The following ABRAXAS2 variants were observed in gnomAD, a reference collection of about 807,000 sequenced individuals.
ABRAXAS2 encodes the protein abraxas 2, BRISC complex subunit, also known as BRISC complex subunit Abraxas 2.
A neutral mutation model predicts 49.0 loss-of-function variants in ABRAXAS2; 23 were observed. The observed-to-expected ratio is 0.47, with a 90% CI of 0.34 to 0.66. The LOEUF is 0.66. Among genes scored for constraint, ABRAXAS2 ranks in the 30% least tolerant of loss-of-function variants. ABRAXAS2 has a pLI of 0.01. For synonymous variants in ABRAXAS2, 168 were observed against 180.2 expected, an observed-to-expected ratio of 0.93 and a Z score of 0.54; for missense variants, 443 against 511.9, an observed-to-expected ratio of 0.87 and a Z score of 1.30.
At position 124,835,350 on chromosome 10, in the gene ABRAXAS2, A is replaced by C. The variant is rs1425687071; in HGVS notation, c.*379A>C. 6.4e-6 allele frequency: 1 copy of C among 157,390 alleles called. No individual in the cohort carries two copies. Among genetic ancestry groups the C allele is most frequent in the African/African-American group, 2.4e-5 (1 of 41,664 alleles). 9.7% of individuals were successfully genotyped at this position (157,390 alleles called of 1,614,324 possible). ...TCAAAAACTTACCTCTTGCACTATC[A>C]TGCCTTGAAATTTACTTTTTCAAAG... On this transcript the variant is annotated 3_prime_UTR_variant, in exon 9 of 9. Transcript: ENST00000298492.
intron 3 of ABRAXAS2, among the ~76,000 whole-genome samples, chr10:124,818,087 G>A (rs1303430445): frequency 6.6e-6 from 1 of 152,096 alleles, no homozygotes; most frequent in African/African-American, 2.4e-5. Context: ...CCAGAACAAG[G>A]ATTTGAGTTT....
chr10:124,809,163 A>C (rs1301761643), intron 2 of ABRAXAS2, among the ~76,000 whole-genome samples: 1 of 152,174 alleles, frequency 6.6e-6, no homozygotes, highest in Non-Finnish European at 1.5e-5. Flanking sequence ...AAAAAAGAAA[A>C]GAAAAATGAA....
At chr10:124,827,987 G>A (rs7923047) in intron 5 of ABRAXAS2, among the ~76,000 whole-genome samples, 8,771 of 152,226 alleles carry the variant, frequency 0.058, 819 homozygotes, top group African/African-American at 0.2. Flanking sequence ...CAAAAGATGT[G>A]TAAGGCATGA....
intron 2 of ABRAXAS2, 51 bp downstream of exon 2, chr10:124,806,972 TA>T (rs1950749079): frequency 1.5e-6 from 2 of 1,320,042 alleles, no homozygotes; most frequent in Admixed American, 1.8e-5. Context: ...TATATTTACT[TA>T]ATGTTTGTTT....
At position 124,831,762 on chromosome 10, in the gene ABRAXAS2, G is replaced by A. The variant is rs186521891; in HGVS notation, c.778+299G>A. Among the ~76,000 whole-genome samples, 5 of 151,048 alleles carry A rather than the reference G, an allele frequency of 3.3e-5. No individual in the cohort carries two copies. The East Asian group carries it at 7.8e-4, about 24-fold the overall frequency. On this transcript the variant is annotated intron_variant, in intron 8 of 8. Coordinates refer to ENST00000298492, the MANE Select transcript of ABRAXAS2 (RefSeq NM_032182.4). ...CAGATTTGTGTATATATTGACAATC[G>A]GACCTAGTTACAGTGAATGTGGTGG... is the stretch of plus-strand genomic sequence containing the variant.
intron 2 of ABRAXAS2, among the ~76,000 whole-genome samples, chr10:124,809,496 G>T (rs906608663): frequency 6.6e-6 from 1 of 151,692 alleles, no homozygotes; most frequent in African/African-American, 2.4e-5. Context: ...ATGTTGGTCG[G>T]GCTAGTCTCG....
intron 3 of ABRAXAS2, among the ~76,000 whole-genome samples, chr10:124,817,941 T>G (rs902863298): frequency 1.4e-4 from 21 of 152,158 alleles, no homozygotes; most frequent in Admixed American, 1.2e-3. Context: ...TGAAATTGTT[T>G]AGGCTCTGGT....
intron 5 of ABRAXAS2, among the ~76,000 whole-genome samples, chr10:124,827,230 G>A (rs1313987551): frequency 1.4e-5 from 2 of 146,032 alleles, no homozygotes; most frequent in Non-Finnish European, 3.0e-5. Context: ...TGCAATCTCG[G>A]CTCACTGCAA....
chr10:124,813,111 G>C (rs2134161784), intron 2 of ABRAXAS2, among the ~76,000 whole-genome samples: 1 of 152,248 alleles, frequency 6.6e-6, no homozygotes, highest in Middle Eastern at 3.4e-3. Context: ...TGAAGTACGA[G>C]AATCGCTTGA....
intron 3 of ABRAXAS2, 82 bp downstream of exon 3, chr10:124,816,694 T>G: frequency 1.0e-6 from 1 of 990,458 alleles, no homozygotes; most frequent in Non-Finnish European, 1.6e-6. Flanking sequence ...TGTAGCTGAT[T>G]GTGGCTGTAA....
intron 8 of ABRAXAS2, among the ~76,000 whole-genome samples, chr10:124,834,008 G>A (rs1475460815): frequency 6.6e-6 from 1 of 152,192 alleles, no homozygotes; most frequent in Non-Finnish European, 1.5e-5. Flanking sequence ...ATGACAGGTA[G>A]CTATAAAGAA....
At chr10:124,824,264 T>C (rs879455507) in intron 4 of ABRAXAS2, among the ~76,000 whole-genome samples, 9 of 152,116 alleles carry the variant, frequency 5.9e-5, no homozygotes, top group Admixed American at 3.3e-4. Context: ...TGCCAGGCAC[T>C]GTGGCTCACG....
Position 124,806,896 on chromosome 10 carries a change from C to T in ABRAXAS2, c.138C>T (p.Ser46=), listed in dbSNP as rs369401224. 22 of 1,610,900 alleles carry T rather than the reference C, an allele frequency of 1.4e-5. No homozygotes were observed. The highest frequency in any genetic ancestry group is 1.8e-5 in the Non-Finnish European group (21 of 1,178,110). The part of the protein sequence containing the change: ...ETFSISDSQI[S]NTEFLQVIEI... Reference sequence around the variant, plus strand: ...TTAGCATCAGTGACTCACAAATCAGCAACACAGAATTTCTGCAAGTAATTG... The same window carrying T: ...TTAGCATCAGTGACTCACAAATCAGTAACACAGAATTTCTGCAAGTAATTG... Residue 46 remains serine, a synonymous_variant, in exon 2 of 9, where the codon AGC becomes AGT. Transcript: ENST00000298492.
chr10:124,820,629 G>C (rs1283479434), intron 4 of ABRAXAS2, among the ~76,000 whole-genome samples: 1 of 151,892 alleles, frequency 6.6e-6, no homozygotes, highest in East Asian at 1.9e-4. Context: ...CTACAGGGGT[G>C]CACCACCACA....
chr10:124,818,289 G>T (rs935661886), intron 3 of ABRAXAS2, among the ~76,000 whole-genome samples: 2 of 151,830 alleles, frequency 1.3e-5, no homozygotes, highest in African/African-American at 2.4e-5. Flanking sequence ...CCAGCTACTT[G>T]GGAGGCTGAG....
At chr10:124,829,776 G>GC in intron 7 of ABRAXAS2, among the ~76,000 whole-genome samples, 1 of 152,330 alleles carries the variant, frequency 6.6e-6, no homozygotes, top group Non-Finnish European at 1.5e-5. Flanking sequence ...GAACATAGCT[G>GC]TCTCCATCAG....
intron 1 of ABRAXAS2, among the ~76,000 whole-genome samples, chr10:124,804,614 G>C (rs1950727784): frequency 6.6e-6 from 1 of 151,242 alleles, no homozygotes; most frequent in Admixed American, 6.6e-5. Flanking sequence ...GGTAAAACAA[G>C]CTGATTTAGG....
chr10:124,825,259 T>C (rs1398213102), intron 4 of ABRAXAS2, among the ~76,000 whole-genome samples: 1 of 144,040 alleles, frequency 6.9e-6, no homozygotes. Context: ...TGGAGGTTGC[T>C]GTGAGCCGAG....
intron 2 of ABRAXAS2, among the ~76,000 whole-genome samples, chr10:124,808,601 A>G (rs1387255748): frequency 6.6e-6 from 1 of 152,180 alleles, no homozygotes; most frequent in African/African-American, 2.4e-5. Context: ...AAGAAATACC[A>G]GACAGTGCGA....
Sources: gnomAD v4.1 joint callset for allele counts (sites outside exome capture counted in the v4.1 genomes callset) on GRCh38, gnomAD v4.1.1 for gene constraint, MANE v1.5 for transcripts, NCBI Gene and HGNC (gene_info 2026-07-23, HGNC 2026-07-21) for gene names.